ADGRL3: variants seen among roughly 807,000 people sequenced by gnomAD.
ADGRL3 encodes the protein calcium-independent alpha-latrotoxin receptor 3.
In ADGRL3, 62 loss-of-function variants were observed where a neutral mutation model predicts 153.5. The observed-to-expected ratio is 0.40, with a 90% CI of 0.33 to 0.50. The LOEUF (loss-of-function observed/expected upper bound fraction) is 0.50. Among genes scored for constraint, ADGRL3 ranks in the 20% least tolerant of loss-of-function variants. ADGRL3 has a pLI of 0.47. For missense variants in ADGRL3, 1,641 were observed against 1,859.4 expected (o/e 0.88, Z 2.16); for synonymous variants, 710 against 672.5 (o/e 1.06, Z -0.86).
chr4:61,937,558 A>C (rs1290414078), intron 15 of ADGRL3, among the ~76,000 whole-genome samples: 1 of 151,708 alleles, frequency 6.6e-6, no homozygotes, highest in Non-Finnish European at 1.5e-5. Context: ...CCTCTTTCCC[A>C]ATCACTCTTT....
intron 1 of ADGRL3, among the ~76,000 whole-genome samples, chr4:61,341,506 C>A (rs1183336955): frequency 6.6e-6 from 1 of 150,902 alleles, no homozygotes; most frequent in Non-Finnish European, 1.5e-5. Flanking sequence ...ATATATGGGG[C>A]ATCATATATA....
rs550697442 is a variant in ADGRL3 at position 61,908,681 on chromosome 4, T to A, written c.1888-879T>A. 3.2e-4 allele frequency among the ~76,000 whole-genome samples: 48 copies of A among 152,266 alleles called. 1 individual carries two copies. Among genetic ancestry groups the A allele is most frequent in the East Asian group, 9.7e-4 (5 of 5,178 alleles). ...AATAGAGATGTTCATTATTTTTACT[T>A]TGTACACTTTTTATTTATTTAGTGT... On this transcript the variant is annotated intron_variant, in intron 11 of 26. Coordinates refer to ENST00000683033, the MANE Select transcript of ADGRL3 (RefSeq NM_001387552.1).
intron 9 of ADGRL3, among the ~76,000 whole-genome samples, chr4:61,850,328 A>G (rs1405357166): frequency 1.3e-5 from 2 of 152,160 alleles, no homozygotes; most frequent in Non-Finnish European, 2.9e-5. Flanking sequence ...CAGTTTTGCC[A>G]ATGGCTTTTG....
intron 25 of ADGRL3, among the ~76,000 whole-genome samples, chr4:62,065,658 GT>G (rs1742602881): frequency 6.6e-6 from 1 of 151,864 alleles, no homozygotes; most frequent in African/African-American, 2.4e-5. Context: ...ACCACATTTT[GT>G]TTAGCTTTTT....
chr4:61,482,607 A>T (rs1257825061), intron 2 of ADGRL3, among the ~76,000 whole-genome samples: 1 of 152,196 alleles, frequency 6.6e-6, no homozygotes, highest in Non-Finnish European at 1.5e-5. Context: ...TTTAAGCTAC[A>T]TAACTCAAGG....
chr4:62,049,883 C>T (rs1733191137), intron 25 of ADGRL3, among the ~76,000 whole-genome samples: 1 of 152,012 alleles, frequency 6.6e-6, no homozygotes, highest in Admixed American at 6.6e-5. Context: ...TTCAGAAGGT[C>T]CTTGAGAGGA....
chr4:61,326,293 T>A (rs145771817), intron 1 of ADGRL3, among the ~76,000 whole-genome samples: 76 of 152,208 alleles, frequency 5.0e-4, no homozygotes, highest in African/African-American at 1.7e-3. Flanking sequence ...AGACATATAT[T>A]CACATCCTTT....
At chr4:61,702,568 T>C (rs1046359045) in intron 6 of ADGRL3, among the ~76,000 whole-genome samples, 3 of 152,234 alleles carry the variant, frequency 2.0e-5, no homozygotes, top group African/African-American at 7.2e-5. Flanking sequence ...CCCCTGGTTT[T>C]GTGTGAATTT....
intron 4 of ADGRL3, among the ~76,000 whole-genome samples, chr4:61,532,555 C>CGCGCGCGCGT (rs760218872): frequency 1.5e-5 from 2 of 131,438 alleles, no homozygotes; most frequent in African/African-American, 2.8e-5. Context: ...CGCGCGCGCG[C>CGCGCGCGCGT]GTGTGTGTGT....
intron 17 of ADGRL3, among the ~76,000 whole-genome samples, chr4:61,952,885 TG>T (rs2098952704): frequency 6.6e-6 from 1 of 152,224 alleles, no homozygotes; most frequent in African/African-American, 2.4e-5. Context: ...ATAACAGTCA[TG>T]ACTGTGACCA....
chr4:61,580,587 A>G (rs2098920363), intron 4 of ADGRL3, among the ~76,000 whole-genome samples: 2 of 152,100 alleles, frequency 1.3e-5, no homozygotes, highest in Admixed American at 1.3e-4. Context: ...CAGTTTCTGT[A>G]GGTTAGGAGT....
intron 21 of ADGRL3, among the ~76,000 whole-genome samples, chr4:61,999,446 AAGAT>A (rs2151078117): frequency 1.3e-5 from 2 of 152,350 alleles, no homozygotes; most frequent in South Asian, 4.1e-4. Context: ...ATATTTTAGA[AAGAT>A]AGTAATATTT....
At chr4:61,588,524 C>T (rs1195155330) in intron 5 of ADGRL3, among the ~76,000 whole-genome samples, 1 of 151,900 alleles carries the variant, frequency 6.6e-6, no homozygotes, top group Non-Finnish European at 1.5e-5. Flanking sequence ...GATTAAAGCA[C>T]TGATGTGTAC....
rs905076189 is a variant in ADGRL3 at position 61,726,253 on chromosome 4, C to T, written c.584-4369C>T. Among the ~76,000 whole-genome samples, 59 of 134,686 alleles carry T rather than the reference C, an allele frequency of 4.4e-4. 1 individual carries two copies. The highest frequency in any genetic ancestry group is 1.5e-3 in the African/African-American group (55 of 36,588). 88.4% of individuals were successfully genotyped at this position (134,686 alleles called of 152,430 possible). ...TCACCCTGTCGCCCAGGTTGGAGTG[C>T]AGTGGCGCGATCTTGGCTCACTGCA... On this transcript the variant is annotated intron_variant, in intron 6 of 26. Transcript: ENST00000683033.
chr4:62,026,357 A>T (rs1372503405), intron 21 of ADGRL3, among the ~76,000 whole-genome samples: 2 of 152,014 alleles, frequency 1.3e-5, no homozygotes, highest in African/African-American at 4.8e-5. Flanking sequence ...CCTTTAATTG[A>T]CAACACCCAG....
intron 1 of ADGRL3, among the ~76,000 whole-genome samples, chr4:61,350,001 C>T (rs1302696365): frequency 1.3e-5 from 2 of 152,040 alleles, no homozygotes. Flanking sequence ...AACAAGAACA[C>T]TATTTAAGGT....
At chr4:61,476,543 T>C (rs894694847) in intron 2 of ADGRL3, among the ~76,000 whole-genome samples, 2 of 151,456 alleles carry the variant, frequency 1.3e-5, no homozygotes, top group Non-Finnish European at 2.9e-5. Context: ...CTGGCTCTAC[T>C]AAAAATACAA....
intron 9 of ADGRL3, among the ~76,000 whole-genome samples, chr4:61,838,269 CAAG>C (rs1441717666): frequency 1.3e-5 from 2 of 152,110 alleles, no homozygotes; most frequent in East Asian, 3.9e-4. Context: ...AAATTTAAAT[CAAG>C]AAGCCTTGTA....
intron 9 of ADGRL3, among the ~76,000 whole-genome samples, chr4:61,837,229 C>T (rs1445551130): frequency 6.6e-6 from 1 of 152,090 alleles, no homozygotes; most frequent in Non-Finnish European, 1.5e-5. Flanking sequence ...AACTTTTCTT[C>T]TACCCACCTA....
Sources: gnomAD v4.1 joint callset for allele counts (sites outside exome capture counted in the v4.1 genomes callset) on GRCh38, gnomAD v4.1.1 for gene constraint, MANE v1.5 for transcripts, NCBI Gene and HGNC (gene_info 2026-07-23, HGNC 2026-07-21) for gene names.